The following RAG1 variants were observed in gnomAD, a reference collection of about 807,000 sequenced individuals.
The protein encoded by RAG1 is recombination activating 1, also known as V(D)J recombination-activating protein 1.
RAG1 carries 35 observed loss-of-function variants against 62.7 expected under a neutral mutation model. The ratio of observed to expected loss-of-function variants is 0.56; its 90% CI spans 0.43 to 0.74. The LOEUF (loss-of-function observed/expected upper bound fraction) is 0.74, where lower values mean the gene tolerates loss of function less well. Ranked by LOEUF, RAG1 falls within the 30% of genes least tolerant of loss-of-function variation. The probability of loss-of-function intolerance (pLI) is 0.00; values close to 1 mark genes in which losing one functional copy is unlikely to be tolerated. For synonymous variants in RAG1, 461 were observed against 470.3 expected (o/e 0.98, Z 0.26); for missense variants, 1,169 against 1,278.6 (o/e 0.91, Z 1.31).
chr11:36,559,123 A>T (rs2133278774), intron 3 of RAG1, among the ~76,000 whole-genome samples: 1 of 152,010 alleles, frequency 6.6e-6, no homozygotes, highest in East Asian at 1.9e-4. Flanking sequence ...AGTATTCTTG[A>T]TTGACAGTTT....
At chr11:36,543,892 G>T (rs1047508588) in intron 3 of RAG1, among the ~76,000 whole-genome samples, 1 of 152,174 alleles carries the variant, frequency 6.6e-6, no homozygotes, top group African/African-American at 2.4e-5. Flanking sequence ...GGCCAGAAGC[G>T]CAATTCCTTG....
At chr11:36,546,495 G>GA (rs1224222350) in intron 3 of RAG1, among the ~76,000 whole-genome samples, 1 of 152,134 alleles carries the variant, frequency 6.6e-6, no homozygotes, top group African/African-American at 2.4e-5. Flanking sequence ...TGGGTCTCCT[G>GA]AATATGCCAC....
chr11:36,531,832 T>G (rs1468374909), intron 2 of RAG1, among the ~76,000 whole-genome samples: 1 of 152,046 alleles, frequency 6.6e-6, no homozygotes, highest in Non-Finnish European at 1.5e-5. Context: ...CTAGAAACTT[T>G]CAAAATATTT....
chr11:36,519,586 A>G (rs578002807), intron 1 of RAG1, among the ~76,000 whole-genome samples: 2 of 152,238 alleles, frequency 1.3e-5, no homozygotes, highest in African/African-American at 4.8e-5. Flanking sequence ...CTTTTTTTGC[A>G]TGAATCTTTG....
chr11:36,535,155 A>C (rs1223770438), intron 2 of RAG1, among the ~76,000 whole-genome samples: 1 of 152,124 alleles, frequency 6.6e-6, no homozygotes, highest in Non-Finnish European at 1.5e-5. Flanking sequence ...TTTTTTAAAA[A>C]TAGGGTGTAA....
chr11:36,578,060 A>G lies in RAG1; in HGVS notation c.*1624A>G, dbSNP rs1850879002. 1 of 167,070 alleles carries G rather than the reference A, an allele frequency of 6.0e-6. No individual in the cohort carries two copies. The highest frequency in any genetic ancestry group is 1.5e-5 in the Non-Finnish European group (1 of 68,118). 10.3% of individuals were successfully genotyped at this position (167,070 alleles called of 1,614,324 possible). ...GCTGGCAATGTAGAGCAGGCATGGA[A>G]TTTTATATGCTAGTGAGTCATAATG... On this transcript the variant is annotated 3_prime_UTR_variant, in exon 2 of 2. Coordinates refer to ENST00000299440, the MANE Select transcript of RAG1 (RefSeq NM_000448.3).
At chr11:36,570,765 A>G (rs920076522) in intron 1 of RAG1, among the ~76,000 whole-genome samples, 7 of 152,150 alleles carry the variant, frequency 4.6e-5, no homozygotes, top group African/African-American at 1.7e-4. Context: ...CATTTCTCTG[A>G]TGATCAGTGG....
chr11:36,576,601 T>G lies in RAG1; in HGVS notation c.*165T>G. 1.3e-6 allele frequency: 1 copy of G among 784,020 alleles called. No individual in the cohort carries two copies. Among genetic ancestry groups the G allele is most frequent in the Non-Finnish European group, 2.1e-6 (1 of 479,174 alleles). The allele number at this position is 784,020 out of a possible 1,614,324, so 48.6% of individuals were successfully genotyped here. ...ATGCTCTCAAGTCAGGAATAGAAAC[T>G]GATGAGCTGATTGCTTGAGGCTTTT... is the stretch of plus-strand genomic sequence containing the variant. On this transcript the variant is annotated 3_prime_UTR_variant, in exon 2 of 2. Transcript: ENST00000299440.
chr11:36,542,676 A>T (rs370745839), intron 3 of RAG1, among the ~76,000 whole-genome samples: 20 of 152,300 alleles, frequency 1.3e-4, no homozygotes, highest in African/African-American at 4.3e-4. Context: ...GTGGCCTCCG[A>T]GGCATTGAAT....
In RAG1 at chr11:36,544,643, C is replaced by A. The variant is rs577151255; in HGVS notation, c.-412+8609C>A. Among the ~76,000 whole-genome samples the A allele has an allele frequency of 3.3e-5, 5 of 152,222 alleles. No homozygotes were observed. In the South Asian group the frequency reaches 1.0e-3, roughly 32 times the overall value. On this transcript the variant is annotated intron_variant and NMD_transcript_variant, in intron 3 of 9. Transcript: ENST00000534663. ...CCCACTAACAATAACTCTTGAAGAC[C>A]GTTGCATTTAAGTAGTTTTCTTTTT...
chr11:36,532,856 T>C (rs1860275672), intron 2 of RAG1, among the ~76,000 whole-genome samples: 1 of 152,138 alleles, frequency 6.6e-6, no homozygotes, highest in Non-Finnish European at 1.5e-5. Flanking sequence ...TTACAGTACA[T>C]TGTTATAGTT....
At chr11:36,510,366 G>A (rs1345294328), upstream of RAG1, 1 of 152,340 alleles carries the variant, frequency 6.6e-6, no homozygotes, top group African/African-American at 2.4e-5. Flanking sequence ...CCTCCAGGCG[G>A]ACTGTGGCGC....
rs1367938135 is a variant in RAG1 at position 36,578,970 on chromosome 11, C to T, written c.*2534C>T. ...ATCTACAAGTTTTCCTGCCAAGCCA[C>T]TCAGGTGCATTGCAGGGACCAGTGA... On this transcript the variant is annotated 3_prime_UTR_variant, in exon 2 of 2. Transcript: ENST00000299440. 6.0e-6 allele frequency: 1 copy of T among 167,072 alleles called. No homozygotes were observed. The highest frequency in any genetic ancestry group is 2.4e-5 in the African/African-American group (1 of 41,444). The allele number at this position is 167,072 out of a possible 1,614,324, so 10.3% of individuals were successfully genotyped here. A position where few individuals can be genotyped will look rare whatever the true frequency, so the allele number is the denominator to read the frequency against.
At chr11:36,544,164 A>G (rs1323031591) in intron 3 of RAG1, among the ~76,000 whole-genome samples, 1 of 152,192 alleles carries the variant, frequency 6.6e-6, no homozygotes, top group Non-Finnish European at 1.5e-5. Context: ...CCTGGGACCT[A>G]TAAACGTGGC....
intron 3 of RAG1, among the ~76,000 whole-genome samples, chr11:36,541,824 T>C (rs939979925): frequency 1.3e-5 from 2 of 152,080 alleles, no homozygotes; most frequent in Non-Finnish European, 2.9e-5. Context: ...GAAGAGCTTC[T>C]GAGCTAACTA....
rs1350634219 is a variant in RAG1, at chr11:36,578,174, A to G, written c.*1738A>G. On this transcript the variant is annotated 3_prime_UTR_variant, in exon 2 of 2. Coordinates refer to ENST00000299440, the MANE Select transcript of RAG1 (RefSeq NM_000448.3). ...TACACAGTATATCAAAGAGCTTGAT[A>G]ATTTAGTTGTCAAAAGTGCATCGGC... 2 of 167,068 alleles carry G rather than the reference A, an allele frequency of 1.2e-5. No individual in the cohort carries two copies. Among genetic ancestry groups the G allele is most frequent in the Admixed American group, 1.3e-4 (2 of 15,282 alleles). 10.3% of individuals were successfully genotyped at this position (167,068 alleles called of 1,614,324 possible).
chr11:36,569,112 G>A (rs1850701150), intron 1 of RAG1, among the ~76,000 whole-genome samples: 1 of 152,124 alleles, frequency 6.6e-6, no homozygotes, highest in Non-Finnish European at 1.5e-5. Context: ...TATAGGGTGG[G>A]CAGCTGGGAT....
At position 36,575,415 on chromosome 11, in the gene RAG1, T is replaced by C; in HGVS notation, c.2111T>C (p.Ile704Thr). 6.2e-7 allele frequency: 1 copy of C among 1,614,010 alleles called. No homozygotes were observed. Among genetic ancestry groups the C allele is most frequent in the Non-Finnish European group, 8.5e-7 (1 of 1,179,898 alleles). Reference sequence around the variant, plus strand: ...GGCATTCTCCGGACTTTCAAGTTCATCTTCAGGGGCACCGGCTATGATGAA... The same window carrying C: ...GGCATTCTCCGGACTTTCAAGTTCACCTTCAGGGGCACCGGCTATGATGAA... ...LGGILRTFKF[I>T]FRGTGYDEKL... The change falls in exon 2 of 2, where the codon ATC (isoleucine) becomes ACC (threonine). Residue 704 changes from isoleucine to threonine, a missense_variant. Coordinates refer to ENST00000299440, the MANE Select transcript of RAG1 (RefSeq NM_000448.3). This position sits in a 1 kb window ranked among gnomAD's most constrained non-coding sequence, Gnocchi z 4.1.
intron 1 of RAG1, among the ~76,000 whole-genome samples, chr11:36,516,815 AATATTT>A (rs1860002986): frequency 6.6e-6 from 1 of 152,188 alleles, no homozygotes; most frequent in African/African-American, 2.4e-5. Context: ...TCACCTAATA[AATATTT>A]ATCTATGTTG....
Sources: gnomAD v4.1 joint callset for allele counts (sites outside exome capture counted in the v4.1 genomes callset) on GRCh38, gnomAD v4.1.1 for gene constraint, Gnocchi (gnomAD v3.1) non-coding constraint, MANE v1.5 for transcripts, NCBI Gene and HGNC (gene_info 2026-07-23, HGNC 2026-07-21) for gene names.